The following CFAP20DC variants were observed in gnomAD, a reference collection of about 807,000 sequenced individuals.
CFAP20DC encodes the protein protein CFAP20DC.
A neutral mutation model predicts 101.7 loss-of-function variants in CFAP20DC; 84 were observed. The observed-to-expected ratio is 0.83, with a 90% CI of 0.69 to 0.99. The LOEUF is 0.99. CFAP20DC is among the 50% of genes least tolerant of loss of function. The probability of loss-of-function intolerance (pLI) is 0.00; values close to 1 mark genes in which losing one functional copy is unlikely to be tolerated. For synonymous variants in CFAP20DC, 359 were observed against 351.2 expected (o/e 1.02, Z -0.25); for missense variants, 1,007 against 970.3 (o/e 1.04, Z -0.50).
chr3:58,954,811 A>G (rs147391294), intron 4 of CFAP20DC, among the ~76,000 whole-genome samples: 11 of 152,256 alleles, frequency 7.2e-5, no homozygotes, highest in African/African-American at 2.4e-4. Context: ...TTAATGGTTA[A>G]CATTCTTTAC....
intron 11 of CFAP20DC, among the ~76,000 whole-genome samples, chr3:58,865,791 T>C (rs13322945): frequency 0.011 from 1,667 of 152,318 alleles, 31 homozygotes; most frequent in African/African-American, 0.039. Context: ...GTATGACCTA[T>C]TGCCAAACAT....
intron 4 of CFAP20DC, among the ~76,000 whole-genome samples, chr3:58,985,997 T>A (rs2092737006): frequency 6.6e-6 from 1 of 152,222 alleles, no homozygotes; most frequent in African/African-American, 2.4e-5. Flanking sequence ...CATTCCCAGT[T>A]CAGCCTGTAA....
At chr3:58,870,061 C>T in intron 8 of CFAP20DC, 112 bp downstream of exon 8, 1 of 980,640 alleles carries the variant, frequency 1.0e-6, no homozygotes, top group Non-Finnish European at 1.5e-6. Flanking sequence ...TAGTGTCTGT[C>T]TGTCTGTCTG....
chr3:58,754,100 A>G (rs2068758785), intron 15 of CFAP20DC, among the ~76,000 whole-genome samples: 2 of 152,206 alleles, frequency 1.3e-5, no homozygotes, highest in African/African-American at 4.8e-5. Context: ...ATTCCACTCA[A>G]AAGTTTATTA....
Position 58,757,031 on chromosome 3 carries a change from T to C in CFAP20DC, c.2238-3168A>G, listed in dbSNP as rs933858921. On this transcript the variant is annotated intron_variant, in intron 15 of 16. Coordinates refer to ENST00000482387, the MANE Select transcript of CFAP20DC (RefSeq NM_001394063.1). ...ACACTTAAATGAATAACCTTGGGTA[T>C]GTTTATTTTTGTATACTTAGAGGTA... 2.0e-5 allele frequency among the ~76,000 whole-genome samples: 3 copies of C among 152,106 alleles called. No individual in the cohort carries two copies. In the South Asian group the frequency reaches 6.2e-4, roughly 31 times the overall value.
intron 4 of CFAP20DC, among the ~76,000 whole-genome samples, chr3:58,986,639 A>C (rs951833370): frequency 6.6e-6 from 1 of 152,186 alleles, no homozygotes; most frequent in Non-Finnish European, 1.5e-5. Flanking sequence ...AACCATGTAC[A>C]TGACCTGAGT....
chr3:58,886,902 T>C (rs564464299), intron 6 of CFAP20DC, among the ~76,000 whole-genome samples: 1 of 152,300 alleles, frequency 6.6e-6, no homozygotes, highest in South Asian at 2.1e-4. Flanking sequence ...GGAAATTTTG[T>C]GTGTATATAT....
intron 15 of CFAP20DC, among the ~76,000 whole-genome samples, chr3:58,796,187 G>A (rs2073229290): frequency 6.6e-6 from 1 of 152,186 alleles, no homozygotes. Context: ...CAAGTACCAA[G>A]AGCAGAGGAG....
At chr3:59,008,852 A>T (rs2093508842) in intron 4 of CFAP20DC, among the ~76,000 whole-genome samples, 1 of 152,094 alleles carries the variant, frequency 6.6e-6, no homozygotes, top group Admixed American at 6.5e-5. Flanking sequence ...CTAAAACTTA[A>T]AGTATAATAA....
At chr3:58,866,481 C>T in intron 11 of CFAP20DC, 85 bp downstream of exon 11, 3 of 1,223,006 alleles carry the variant, frequency 2.5e-6, no homozygotes, top group South Asian at 1.8e-5. Context: ...TGCATCACCA[C>T]TTTTCAAAAT....
intron 15 of CFAP20DC, among the ~76,000 whole-genome samples, chr3:58,785,904 G>C (rs552433932): frequency 6.6e-6 from 1 of 152,166 alleles, no homozygotes; most frequent in South Asian, 2.1e-4. Context: ...GGCCACAGAG[G>C]AATCTGCAAG....
intron 15 of CFAP20DC, among the ~76,000 whole-genome samples, chr3:58,791,838 T>C (rs1420051231): frequency 6.6e-6 from 1 of 152,174 alleles, no homozygotes; most frequent in African/African-American, 2.4e-5. Flanking sequence ...AAAGATAATC[T>C]GGAAGGTTTC....
At chr3:58,759,223 T>C (rs555748314) in intron 15 of CFAP20DC, among the ~76,000 whole-genome samples, 37 of 152,242 alleles carry the variant, frequency 2.4e-4, no homozygotes, top group Admixed American at 7.2e-4. Flanking sequence ...TTTTAAGGAT[T>C]GCCATTCTAA....
At chr3:58,786,599 G>A (rs570390880) in intron 15 of CFAP20DC, among the ~76,000 whole-genome samples, 6 of 151,958 alleles carry the variant, frequency 3.9e-5, no homozygotes, top group South Asian at 2.1e-4. Context: ...CTTAGTAGCC[G>A]TCTCCATTAT....
At chr3:58,979,710 C>A (rs1367618425) in intron 4 of CFAP20DC, among the ~76,000 whole-genome samples, 1 of 152,144 alleles carries the variant, frequency 6.6e-6, no homozygotes, top group Non-Finnish European at 1.5e-5. Context: ...TTAGCACTTG[C>A]CAAAGGATTG....
rs1448877583 is a variant in CFAP20DC at position 58,971,144 on chromosome 3, T to C, written c.279-33382A>G. Among the ~76,000 whole-genome samples, 1 of 152,186 alleles carries C rather than the reference T, an allele frequency of 6.6e-6. No homozygotes were observed. The highest frequency in any genetic ancestry group is 1.5e-5 in the Non-Finnish European group (1 of 68,022). ...GTAGGACATTGCTTGTTCCAGCTAA[T>C]TGACTATTCTGTTGAGCCTAACAGT... On this transcript the variant is annotated intron_variant, in intron 4 of 16. Transcript: ENST00000482387. This position sits in a 1 kb window ranked among gnomAD's most constrained non-coding sequence, Gnocchi z 4.1.
chr3:58,866,336 C>T (rs932859551), intron 11 of CFAP20DC, among the ~76,000 whole-genome samples: 2 of 152,120 alleles, frequency 1.3e-5, no homozygotes, highest in African/African-American at 2.4e-5. Flanking sequence ...CAGTTTTAAA[C>T]TTTCATTCTG....
chr3:59,046,612 A>T (rs115059134), intron 2 of CFAP20DC, among the ~76,000 whole-genome samples: 5,951 of 152,222 alleles, frequency 0.039, 161 homozygotes, highest in Non-Finnish European at 0.055. Flanking sequence ...ATAAATAAAT[A>T]AATTAATTAA....
chr3:58,751,943 TG>T (rs1392398864), intron 16 of CFAP20DC, among the ~76,000 whole-genome samples: 3 of 152,098 alleles, frequency 2.0e-5, no homozygotes, highest in African/African-American at 7.2e-5. Flanking sequence ...GCTAAATGAA[TG>T]GTGTCGTGCA....
Sources: gnomAD v4.1 joint callset for allele counts (sites outside exome capture counted in the v4.1 genomes callset) on GRCh38, gnomAD v4.1.1 for gene constraint, Gnocchi (gnomAD v3.1) non-coding constraint, MANE v1.5 for transcripts, NCBI Gene and HGNC (gene_info 2026-07-23, HGNC 2026-07-21) for gene names.